The following EDARADD variants were observed in gnomAD, a reference collection of about 807,000 sequenced individuals.
EDARADD encodes the protein EDAR associated via death domain.
Under a neutral mutation model 25.6 loss-of-function variants are expected in EDARADD, and 20 were observed. That is an observed-to-expected ratio of 0.78 (90% CI 0.55 to 1.14). The LOEUF (loss-of-function observed/expected upper bound fraction) is 1.14. Ranked by LOEUF, EDARADD falls within the 50% of genes most tolerant of loss-of-function variation. The pLI is 0.00. For missense variants in EDARADD, 225 were observed against 270.1 expected (o/e 0.83, Z 1.17); for synonymous variants, 86 against 94.4 (o/e 0.91, Z 0.52).
intron 1 of EDARADD, among the ~76,000 whole-genome samples, chr1:236,397,474 C>T (rs1267438568): frequency 6.6e-6 from 1 of 151,970 alleles, no homozygotes; most frequent in Non-Finnish European, 1.5e-5. Context: ...TCTGCCCAGC[C>T]CAGCCAAAAT....
intron 5 of EDARADD, among the ~76,000 whole-genome samples, chr1:236,479,375 G>A (rs1659601746): frequency 6.6e-6 from 1 of 151,710 alleles, no homozygotes; most frequent in Non-Finnish European, 1.5e-5. Flanking sequence ...CATGTCTGTG[G>A]TCCCAGCTAC....
chr1:236,362,795 G>A (rs1226287055), intron 3 of EDARADD, among the ~76,000 whole-genome samples: 2 of 150,538 alleles, frequency 1.3e-5, no homozygotes, highest in Non-Finnish European at 3.0e-5. Flanking sequence ...TGTTGTAAAG[G>A]CCATCTTATC....
Position 236,362,991 on chromosome 1 carries a change from A to G in EDARADD, c.-6+12152A>G, listed in dbSNP as rs1448144078. On this transcript the variant is annotated intron_variant, in intron 3 of 7. Coordinates refer to the EDARADD transcript ENST00000439430. The stretch of plus-strand genomic sequence containing the variant: ...GACTCTGTCTTCTTTTTTTAAGAAA[A>G]AAAAAAAAAAAAAAAATATATATAT... Among the ~76,000 whole-genome samples the G allele has an allele frequency of 1.0e-3, 74 of 73,338 alleles. 2 individuals carry two copies. The highest frequency in any genetic ancestry group is 1.8e-3 in the East Asian group (2 of 1,106). 48.1% of individuals were successfully genotyped at this position (73,338 alleles called of 152,430 possible).
chr1:236,364,314 G>A (rs582944), intron 3 of EDARADD, among the ~76,000 whole-genome samples: 51,955 of 151,584 alleles, frequency 0.34, 9,096 homozygotes, highest in African/African-American at 0.42. Flanking sequence ...TCATAGCCTT[G>A]TCTTGAAATC....
At chr1:236,433,021 G>A (rs983973156) in intron 4 of EDARADD, among the ~76,000 whole-genome samples, 4 of 152,012 alleles carry the variant, frequency 2.6e-5, no homozygotes, top group Admixed American at 6.6e-5. Flanking sequence ...ACTAATGTAA[G>A]ATGTTCATAA....
Position 236,482,721 on chromosome 1 carries a change from G to A in EDARADD, c.*72G>A, listed in dbSNP as rs1173712427. On this transcript the variant is annotated 3_prime_UTR_variant, in exon 6 of 6. Transcript: ENST00000334232. ...ACAGGTCAAGAAGGAATGTGAATCT[G>A]TTGTTTTATAAGAGTTTAGGACAAG... The A allele has an allele frequency of 1.3e-6, 2 of 1,598,966 alleles. No homozygotes were observed. The highest frequency in any genetic ancestry group is 2.2e-5 in the East Asian group (1 of 44,870).
chr1:236,481,764 G>A (rs2103042179), intron 5 of EDARADD, among the ~76,000 whole-genome samples: 1 of 138,688 alleles, frequency 7.2e-6, no homozygotes, highest in South Asian at 2.4e-4. Context: ...GGGCAACAGA[G>A]TGACACCCTG....
intron 4 of EDARADD, among the ~76,000 whole-genome samples, chr1:236,428,040 T>C (rs1252891611): frequency 6.6e-6 from 1 of 151,890 alleles, no homozygotes; most frequent in African/African-American, 2.4e-5. Flanking sequence ...GGCAGGGTCA[T>C]AGGACAATAG....
chr1:236,478,389 G>GTGTGTGTGTAT (rs574742808), intron 5 of EDARADD, among the ~76,000 whole-genome samples: 2 of 145,078 alleles, frequency 1.4e-5, no homozygotes, highest in South Asian at 2.2e-4. Flanking sequence ...GTGTGTGTAT[G>GTGTGTGTGTAT]GATTTATATA....
At chr1:236,411,713 T>TAATTTTTTTG (rs1302905376) in intron 2 of EDARADD, among the ~76,000 whole-genome samples, 1 of 152,104 alleles carries the variant, frequency 6.6e-6, no homozygotes, top group East Asian at 1.9e-4. Flanking sequence ...CGGGCCTGGC[T>TAATTTTTTTG]AATTTTTTTG....
chr1:236,441,749 T>C (rs1319149625), intron 4 of EDARADD, among the ~76,000 whole-genome samples: 2 of 151,850 alleles, frequency 1.3e-5, no homozygotes, highest in Non-Finnish European at 2.9e-5. Context: ...AGGCTGGTCT[T>C]GAACTCCTGA....
rs77344240 is a variant in EDARADD, at chr1:236,366,266, G to A, written c.-6+15427G>A. ...TTTTTGAAAACAGTTGGATCTTCTC[G>A]TGTCTTGCTTTTAAGATTTGTTAGG... On this transcript the variant is annotated intron_variant, in intron 3 of 7. Coordinates refer to the EDARADD transcript ENST00000439430. 2.2e-3 allele frequency among the ~76,000 whole-genome samples: 333 copies of A among 152,174 alleles called. 5 individuals carry two copies. The East Asian group carries it at 0.045, about 21-fold the overall frequency.
chr1:236,483,221 T>G lies in EDARADD; in HGVS notation c.*572T>G. Reference sequence around the variant, plus strand: ...TCTTTGACTCTCGTGGGAATCCCACTGTTGAGGTTGATCTCTTCACCTCAG... The same window carrying G: ...TCTTTGACTCTCGTGGGAATCCCACGGTTGAGGTTGATCTCTTCACCTCAG... On this transcript the variant is annotated 3_prime_UTR_variant, in exon 6 of 6. Transcript: ENST00000334232. 6.3e-7 allele frequency: 1 copy of G among 1,588,026 alleles called. No homozygotes were observed. Among genetic ancestry groups the G allele is most frequent in the African/African-American group, 1.3e-5 (1 of 74,426 alleles).
intron 5 of EDARADD, among the ~76,000 whole-genome samples, chr1:236,469,240 A>G (rs1432354474): frequency 1.3e-5 from 2 of 152,124 alleles, no homozygotes; most frequent in African/African-American, 4.8e-5. Flanking sequence ...TTGGGAGGCC[A>G]AGGTGGGCAG....
chr1:236,354,169 G>T (rs997752860), intron 3 of EDARADD, among the ~76,000 whole-genome samples: 2 of 152,160 alleles, frequency 1.3e-5, no homozygotes, highest in East Asian at 3.8e-4. Context: ...TTCCTATAAT[G>T]TACTGACCTC....
At chr1:236,381,343 CTTT>C (rs892341825) in intron 3 of EDARADD, among the ~76,000 whole-genome samples, 2 of 151,064 alleles carry the variant, frequency 1.3e-5, no homozygotes, top group African/African-American at 4.9e-5. Flanking sequence ...TTTTTATTTA[CTTT>C]TTTATTATTA....
chr1:236,389,289 C>A (rs1667393493), upstream of EDARADD, among the ~76,000 whole-genome samples: 1 of 152,140 alleles, frequency 6.6e-6, no homozygotes, highest in African/African-American at 2.4e-5. Flanking sequence ...CACCCCATCC[C>A]ATCCCTCCTC....
rs531876488 is a variant in EDARADD at position 236,433,590 on chromosome 1, C to T, written c.219+6140C>T. On this transcript the variant is annotated intron_variant, in intron 4 of 5. Coordinates refer to ENST00000334232, the MANE Select transcript of EDARADD (RefSeq NM_145861.4). The stretch of plus-strand genomic sequence containing the variant: ...TCTCCCAAAGTGTTGGGATTACAGG[C>T]GTGAGTCACCGCATCCAGCCTAACT... 2.4e-4 allele frequency among the ~76,000 whole-genome samples: 36 copies of T among 151,868 alleles called. 1 individual carries two copies. In the South Asian group the frequency reaches 3.8e-3, roughly 16 times the overall value.
At chr1:236,364,096 G>A (rs765914855) in intron 3 of EDARADD, among the ~76,000 whole-genome samples, 12 of 151,992 alleles carry the variant, frequency 7.9e-5, no homozygotes, top group South Asian at 2.1e-4. Context: ...AGGTTGCAGT[G>A]AGCCAAGATT....
Sources: gnomAD v4.1 joint callset for allele counts (sites outside exome capture counted in the v4.1 genomes callset) on GRCh38, gnomAD v4.1.1 for gene constraint, MANE v1.5 for transcripts, NCBI Gene and HGNC (gene_info 2026-07-23, HGNC 2026-07-21) for gene names.